Variants in C2CD3 observed in about 807,000 individuals in gnomAD.
The protein encoded by C2CD3 is C2 domain-containing protein 3.
A neutral mutation model predicts 234.0 loss-of-function variants in C2CD3; 148 were observed. That is an observed-to-expected ratio of 0.63 (90% CI 0.55 to 0.72). C2CD3 has a LOEUF of 0.72. Ranked by LOEUF, C2CD3 falls within the 30% of genes least tolerant of loss-of-function variation. The pLI, the probability that C2CD3 is intolerant of heterozygous loss-of-function variation, is 0.00. For missense variants in C2CD3, 2,577 were observed against 2,811.5 expected (o/e 0.92, Z 1.89); for synonymous variants, 1,000 against 1,035.4 (o/e 0.97, Z 0.66).
At chr11:74,030,830 G>A (rs1357611528) in intron 31 of C2CD3, among the ~76,000 whole-genome samples, 4 of 152,144 alleles carry the variant, frequency 2.6e-5, no homozygotes, top group Admixed American at 2.6e-4. Flanking sequence ...TCTATGTGCT[G>A]TTTCCTATCC....
chr11:74,114,292 C>A, intron 10 of C2CD3, 92 bp downstream of exon 10: 1 of 855,510 alleles, frequency 1.2e-6, no homozygotes, highest in Non-Finnish European at 1.9e-6. Context: ...GAAAACACAT[C>A]CCAAATCACA....
In C2CD3 at chr11:74,042,113, A is replaced by AC. The variant is rs1953091771; in HGVS notation, c.5600dup (p.Cys1867TrpfsTer2). 6.2e-7 allele frequency: 1 copy of AC among 1,614,036 alleles called. No homozygotes were observed. Reference sequence around the variant, plus strand: ...AAGGTGATGTGGTCAGTTTGTCATCACATGGCAAGGGTGCCTCTCCCTGAA... The same window carrying AC: ...AAGGTGATGTGGTCAGTTTGTCATCACCATGGCAAGGGTGCCTCTCCCTGAA... On this transcript the variant is annotated frameshift_variant, in exon 29 of 33. Transcript: ENST00000334126. LOFTEE classifies it high-confidence loss of function.
At chr11:74,094,890 G>A (rs1472572367) in intron 17 of C2CD3, among the ~76,000 whole-genome samples, 3 of 152,126 alleles carry the variant, frequency 2.0e-5, no homozygotes, top group African/African-American at 2.4e-5. Context: ...GAACTACTGC[G>A]AGGAATAAGA....
At chr11:74,081,281 G>A (rs763842777) in intron 22 of C2CD3, among the ~76,000 whole-genome samples, 31 of 152,182 alleles carry the variant, frequency 2.0e-4, no homozygotes, top group Non-Finnish European at 4.1e-4. Context: ...CCAGTTACTA[G>A]TTAAGTAGGA....
At chr11:74,130,093 AGGGAGAGGGAGAGGGAGACCGTG>A (rs1255209386) in intron 7 of C2CD3, 1 of 77,734 alleles carries the variant, frequency 1.3e-5, no homozygotes, top group African/African-American at 5.0e-5. Context: ...CCGTGGGGAG[AGGGAGAGGGAGAGGGAGACCGTG>A]GGGAGGGGGA....
intron 25 of C2CD3, among the ~76,000 whole-genome samples, chr11:74,056,263 T>C (rs1398030781): frequency 1.3e-5 from 2 of 152,202 alleles, no homozygotes; most frequent in African/African-American, 4.8e-5. Flanking sequence ...TAAAAGGTGA[T>C]ACAGTATAAA....
chr11:74,064,348 G>A (rs1170259253), intron 24 of C2CD3, among the ~76,000 whole-genome samples: 1 of 152,054 alleles, frequency 6.6e-6, no homozygotes, highest in Non-Finnish European at 1.5e-5. Flanking sequence ...AAAATACCTA[G>A]GAATCCAACT....
At chr11:74,150,496 AAAAAAAAAAAAAAAAAAAAC>A (rs1855533195) in intron 3 of C2CD3, among the ~76,000 whole-genome samples, 1 of 98,804 alleles carries the variant, frequency 1.0e-5, no homozygotes, top group Non-Finnish European at 2.0e-5. Context: ...CTGTCTCAAA[AAAAAAAAAAAAAAAAAAAAC>A]AAAAAAAAAA....
intron 3 of C2CD3, among the ~76,000 whole-genome samples, chr11:74,160,196 G>A (rs1168041730): frequency 1.3e-5 from 2 of 152,096 alleles, no homozygotes; most frequent in Non-Finnish European, 1.5e-5. Flanking sequence ...GAAATTGCCT[G>A]AGGACACATT....
In C2CD3 at chr11:74,027,774, GA is replaced by G. The variant is rs371344098; in HGVS notation, c.6921+512del. Among the ~76,000 whole-genome samples the G allele has an allele frequency of 3.5e-3, 535 of 152,348 alleles. 4 individuals carry two copies. Among genetic ancestry groups the G allele is most frequent in the African/African-American group, 0.012 (508 of 41,584 alleles). On this transcript the variant is annotated intron_variant, in intron 32 of 32. Transcript: ENST00000334126. ...TTGTTTATTTTCTTGGTACTTGCAA[GA>G]AAGTTCAGGTGCTCTGCCAAGGCAG...
chr11:74,014,233 CCAGA>C (rs1374658164), intron 32 of C2CD3, among the ~76,000 whole-genome samples: 1 of 152,180 alleles, frequency 6.6e-6, no homozygotes, highest in African/African-American at 2.4e-5. Context: ...GAAAGCCATC[CCAGA>C]CAGCTGGCTG....
chr11:74,053,327 G>T (rs979188417), intron 26 of C2CD3, among the ~76,000 whole-genome samples: 8 of 152,160 alleles, frequency 5.3e-5, no homozygotes, highest in Non-Finnish European at 1.0e-4. Context: ...TAAGTGTCAG[G>T]CCCTTACTTA....
intron 28 of C2CD3, among the ~76,000 whole-genome samples, chr11:74,045,571 T>C (rs1426472458): frequency 1.0e-5 from 1 of 98,992 alleles, no homozygotes; most frequent in African/African-American, 7.8e-5. Context: ...TTTTCTTTTT[T>C]CTTTCCTTTT....
chr11:74,146,747 C>CACACACAT (rs58129019), intron 3 of C2CD3, among the ~76,000 whole-genome samples: 3,231 of 143,986 alleles, frequency 0.022, 51 homozygotes, highest in Middle Eastern at 0.039. Context: ...CACACACACA[C>CACACACAT]AATTAACATA....
intron 25 of C2CD3, among the ~76,000 whole-genome samples, chr11:74,056,813 T>C (rs1953969127): frequency 6.6e-6 from 1 of 152,252 alleles, no homozygotes; most frequent in East Asian, 1.9e-4. Flanking sequence ...GTCTTATTTA[T>C]GAAGCCTTCC....
chr11:74,014,092 A>G (rs546759925), intron 32 of C2CD3, among the ~76,000 whole-genome samples: 6 of 152,286 alleles, frequency 3.9e-5, no homozygotes, highest in African/African-American at 1.4e-4. Flanking sequence ...GGCATCACTA[A>G]TTCCGCCTTT....
At chr11:74,114,242 C>G in intron 10 of C2CD3, 142 bp downstream of exon 10, 1 of 664,278 alleles carries the variant, frequency 1.5e-6, no homozygotes, top group Non-Finnish European at 2.7e-6. Flanking sequence ...TGGGATATAG[C>G]AGGGATTCAA....
chr11:74,044,630 TG>T (rs1953265969), intron 28 of C2CD3, among the ~76,000 whole-genome samples: 1 of 152,190 alleles, frequency 6.6e-6, no homozygotes, highest in African/African-American at 2.4e-5. Flanking sequence ...TGCTGAGGTT[TG>T]GGGTTTGAAT....
chr11:74,084,140 G>A (rs1955527631), intron 22 of C2CD3, among the ~76,000 whole-genome samples: 1 of 152,174 alleles, frequency 6.6e-6, no homozygotes, highest in African/African-American at 2.4e-5. Context: ...CATGTCCTTT[G>A]TAGGGACATG....
Sources: allele counts gnomAD v4.1 joint callset (sites outside exome capture counted in the v4.1 genomes callset), GRCh38; gene constraint gnomAD v4.1.1; transcripts MANE v1.5; gene names NCBI Gene and HGNC (gene_info 2026-07-23, HGNC 2026-07-21).